RSU1: variants seen among roughly 807,000 people sequenced by gnomAD.
RSU1 encodes rsu-1.
A neutral mutation model predicts 31.1 loss-of-function variants in RSU1; 26 were observed. That is an observed-to-expected ratio of 0.84 (90% CI 0.61 to 1.16). RSU1 has a LOEUF of 1.16. Ranked by LOEUF, RSU1 falls within the 50% of genes most tolerant of loss-of-function variation. The pLI, the probability that RSU1 is intolerant of heterozygous loss-of-function variation, is 0.00. For synonymous variants in RSU1, 164 were observed against 136.3 expected, an observed-to-expected ratio of 1.20 and a Z score of -1.41; for missense variants, 320 against 339.1, an observed-to-expected ratio of 0.94 and a Z score of 0.44.
At chr10:16,611,124 T>TG (rs1833885157) in intron 8 of RSU1, among the ~76,000 whole-genome samples, 1 of 152,158 alleles carries the variant, frequency 6.6e-6, no homozygotes, top group African/African-American at 2.4e-5. Context: ...AGGCCCTCCC[T>TG]GGGGGCTCAA....
chr10:16,601,224 C>T (rs1441232692), intron 8 of RSU1, among the ~76,000 whole-genome samples: 1 of 152,208 alleles, frequency 6.6e-6, no homozygotes, highest in Non-Finnish European at 1.5e-5. Flanking sequence ...GTCTGTCCCT[C>T]CATGTCTCCA....
chr10:16,769,885 C>T (rs772795192), intron 3 of RSU1, among the ~76,000 whole-genome samples: 16 of 152,162 alleles, frequency 1.1e-4, no homozygotes, highest in Non-Finnish European at 1.6e-4. Flanking sequence ...ACAATCAAAC[C>T]CTTTCTAGTC....
At chr10:16,640,077 T>C (rs988534407) in intron 8 of RSU1, among the ~76,000 whole-genome samples, 3 of 152,172 alleles carry the variant, frequency 2.0e-5, no homozygotes, top group East Asian at 1.9e-4. Context: ...CCAATCTTTC[T>C]GCCTGAGTTT....
intron 7 of RSU1, among the ~76,000 whole-genome samples, chr10:16,707,364 C>T (rs1835928488): frequency 1.3e-5 from 2 of 152,064 alleles, no homozygotes; most frequent in Admixed American, 1.3e-4. Flanking sequence ...AATGTGTTTC[C>T]CTTTCTCCAC....
At chr10:16,815,803 G>A (rs1272760692) in intron 2 of RSU1, among the ~76,000 whole-genome samples, 1 of 152,174 alleles carries the variant, frequency 6.6e-6, no homozygotes, top group African/African-American at 2.4e-5. Flanking sequence ...TTACACAGGT[G>A]GTGATGTCTA....
intron 8 of RSU1, among the ~76,000 whole-genome samples, chr10:16,671,134 T>A (rs1835098023): frequency 6.6e-6 from 1 of 152,112 alleles, no homozygotes; most frequent in Non-Finnish European, 1.5e-5. Context: ...TTACACCTAC[T>A]CCTATGTTCA....
intron 7 of RSU1, among the ~76,000 whole-genome samples, chr10:16,723,990 G>A (rs144611906): frequency 8.6e-4 from 131 of 152,226 alleles, no homozygotes; most frequent in African/African-American, 3.1e-3. Context: ...GCCCAGGCTG[G>A]AGTGCAGTGG....
At chr10:16,784,284 T>C (rs1466603052) in intron 2 of RSU1, among the ~76,000 whole-genome samples, 1 of 152,198 alleles carries the variant, frequency 6.6e-6, no homozygotes, top group African/African-American at 2.4e-5. Flanking sequence ...GTTTTGTTTT[T>C]AGAAATGGGT....
At chr10:16,695,280 G>A in intron 7 of RSU1, 125 bp from the exon 8 acceptor site, 1 of 892,678 alleles carries the variant, frequency 1.1e-6, no homozygotes, top group South Asian at 2.2e-5. Context: ...TGGATCATTT[G>A]ATGTCTTTTA....
chr10:16,668,861 G>A (rs1229350505), intron 8 of RSU1, among the ~76,000 whole-genome samples: 1 of 152,160 alleles, frequency 6.6e-6, no homozygotes, highest in Non-Finnish European at 1.5e-5. Context: ...CCACTGACAT[G>A]ATTCCAGGCA....
At chr10:16,729,369 T>C (rs1836457828) in intron 7 of RSU1, among the ~76,000 whole-genome samples, 1 of 152,202 alleles carries the variant, frequency 6.6e-6, no homozygotes, top group Non-Finnish European at 1.5e-5. Context: ...AGTACCATGC[T>C]ATTGGTTTTC....
intron 3 of RSU1, among the ~76,000 whole-genome samples, chr10:16,778,273 A>T (rs897704542): frequency 6.6e-6 from 1 of 152,050 alleles, no homozygotes; most frequent in African/African-American, 2.4e-5. Flanking sequence ...ACAACGAGTA[A>T]GAAACAGAAG....
At chr10:16,706,279 T>C (rs991912979) in intron 7 of RSU1, among the ~76,000 whole-genome samples, 1 of 152,230 alleles carries the variant, frequency 6.6e-6, no homozygotes, top group African/African-American at 2.4e-5. Flanking sequence ...TGTAAATTTT[T>C]TATAGTAACC....
intron 8 of RSU1, among the ~76,000 whole-genome samples, chr10:16,666,192 T>C (rs549650167): frequency 1.2e-4 from 18 of 152,300 alleles, no homozygotes; most frequent in African/African-American, 4.1e-4. Flanking sequence ...CTAGAATACA[T>C]TGATGATCCC....
chr10:16,696,630 C>T (rs1311790281), intron 7 of RSU1, among the ~76,000 whole-genome samples: 4 of 152,166 alleles, frequency 2.6e-5, no homozygotes, highest in African/African-American at 9.7e-5. Flanking sequence ...CATTTCTCTC[C>T]AAGATTATCA....
chr10:16,597,306 G>A (rs1588666071), intron 8 of RSU1, among the ~76,000 whole-genome samples: 1 of 152,246 alleles, frequency 6.6e-6, no homozygotes, highest in African/African-American at 2.4e-5. Context: ...TTTTCGGAGC[G>A]AACTGGAATG....
At chr10:16,774,658 A>G (rs767285406) in intron 3 of RSU1, among the ~76,000 whole-genome samples, 1 of 152,212 alleles carries the variant, frequency 6.6e-6, no homozygotes, top group African/African-American at 2.4e-5. Flanking sequence ...GAGTTTCTAA[A>G]TCTGAGCTGC....
At chr10:16,803,762 A>G (rs1230330990) in intron 2 of RSU1, among the ~76,000 whole-genome samples, 1 of 152,240 alleles carries the variant, frequency 6.6e-6, no homozygotes, top group Non-Finnish European at 1.5e-5. Context: ...GTGCTGAAAC[A>G]GATGGACATC....
chr10:16,733,443 G>C (rs1836558319), intron 7 of RSU1, among the ~76,000 whole-genome samples: 1 of 151,920 alleles, frequency 6.6e-6, no homozygotes, highest in African/African-American at 2.4e-5. Context: ...AGGAGGCAGA[G>C]GGTGCAGTGA....
Sources: gnomAD v4.1 joint callset for allele counts (sites outside exome capture counted in the v4.1 genomes callset) on GRCh38, gnomAD v4.1.1 for gene constraint, MANE v1.5 for transcripts, NCBI Gene and HGNC (gene_info 2026-07-23, HGNC 2026-07-21) for gene names.